ZNF385D: variants seen among roughly 807,000 people sequenced by gnomAD.
ZNF385D encodes the protein zinc finger protein 659.
A neutral mutation model predicts 35.8 loss-of-function variants in ZNF385D; 15 were observed. The observed-to-expected ratio is 0.42, with a 90% CI of 0.28 to 0.64. The LOEUF is 0.64. Among genes scored for constraint, ZNF385D ranks in the 30% least tolerant of loss-of-function variants. The pLI is 0.23. For missense variants in ZNF385D, 474 were observed against 494.6 expected (o/e 0.96, Z 0.39); for synonymous variants, 212 against 186.8 (o/e 1.13, Z -1.10).
At chr3:22,153,552 C>G (rs540963966) in intron 3 of ZNF385D, among the ~76,000 whole-genome samples, 2 of 151,246 alleles carry the variant, frequency 1.3e-5, no homozygotes, top group Admixed American at 1.3e-4. Context: ...CAAACTCCCC[C>G]TCCTGGGTCC....
At chr3:21,494,836 T>A (rs969673285) in intron 4 of ZNF385D, among the ~76,000 whole-genome samples, 3 of 152,250 alleles carry the variant, frequency 2.0e-5, no homozygotes, top group East Asian at 3.9e-4. Flanking sequence ...AAATGAAACA[T>A]TTCATCAAAG....
chr3:21,805,257 G>C (rs2072588954), intron 3 of ZNF385D, among the ~76,000 whole-genome samples: 1 of 152,190 alleles, frequency 6.6e-6, no homozygotes, highest in Non-Finnish European at 1.5e-5. Flanking sequence ...AATTAGGGTA[G>C]TGAGAGAGAA....
At chr3:21,924,259 AGAG>A (rs1209357330) in intron 3 of ZNF385D, among the ~76,000 whole-genome samples, 1 of 152,228 alleles carries the variant, frequency 6.6e-6, no homozygotes, top group Non-Finnish European at 1.5e-5. Flanking sequence ...TTAAAGGTGA[AGAG>A]AAGAAGGCAA....
chr3:22,192,334 G>C (rs377176581), intron 2 of ZNF385D, among the ~76,000 whole-genome samples: 1 of 152,130 alleles, frequency 6.6e-6, no homozygotes, highest in Non-Finnish European at 1.5e-5. Flanking sequence ...CTGAGAAAAT[G>C]AAGCTGTTCT....
chr3:21,445,811 T>C (rs1304406712), intron 4 of ZNF385D, among the ~76,000 whole-genome samples: 2 of 152,196 alleles, frequency 1.3e-5, no homozygotes, highest in East Asian at 1.9e-4. Context: ...GACTGAAAAT[T>C]GGCATAGCAA....
intron 3 of ZNF385D, among the ~76,000 whole-genome samples, chr3:21,980,835 A>G (rs941785135): frequency 6.6e-6 from 1 of 152,178 alleles, no homozygotes; most frequent in South Asian, 2.1e-4. Flanking sequence ...TCTGTTCTTG[A>G]GTTAGTTTGC....
chr3:21,711,944 G>A (rs1274999586), intron 1 of ZNF385D, among the ~76,000 whole-genome samples: 2 of 152,180 alleles, frequency 1.3e-5, no homozygotes, highest in East Asian at 1.9e-4. Flanking sequence ...ACACAATTAT[G>A]TAAATGTCAC....
At chr3:21,880,762 CAGTT>C (rs1698235944) in intron 3 of ZNF385D, among the ~76,000 whole-genome samples, 2 of 151,928 alleles carry the variant, frequency 1.3e-5, no homozygotes, top group East Asian at 3.9e-4. Flanking sequence ...TCCTGCCAAA[CAGTT>C]AGCAATGTTG....
chr3:21,981,052 G>A (rs1017909329), intron 3 of ZNF385D, among the ~76,000 whole-genome samples: 1 of 152,058 alleles, frequency 6.6e-6, no homozygotes, highest in Non-Finnish European at 1.5e-5. Context: ...CTTTATGGTA[G>A]AATAATTTCT....
chr3:21,466,521 A>G (rs986861734), intron 4 of ZNF385D, among the ~76,000 whole-genome samples: 3 of 152,118 alleles, frequency 2.0e-5, no homozygotes, highest in African/African-American at 7.2e-5. Context: ...CCTGCATACT[A>G]TTACTAAAGC....
rs190641945 is a variant in ZNF385D at position 22,007,146 on chromosome 3, C to G, written c.325+161671G>C. 2.5e-4 allele frequency among the ~76,000 whole-genome samples: 38 copies of G among 152,268 alleles called. No individual in the cohort carries two copies. The East Asian group carries it at 6.7e-3, about 27-fold the overall frequency. ...ATTCTCAGAGAAGTTTCAATCTCAT[C>G]CATACACCTTCTACTCCATTTTCAT... On this transcript the variant is annotated intron_variant, in intron 3 of 5. Coordinates refer to the ZNF385D transcript ENST00000494108.
chr3:21,880,913 C>T (rs1698244636), intron 3 of ZNF385D, among the ~76,000 whole-genome samples: 1 of 151,862 alleles, frequency 6.6e-6, no homozygotes, highest in African/African-American at 2.4e-5. Context: ...AAACAAGCCA[C>T]ACCATTTCCT....
At chr3:22,328,695 G>A (rs1694787451) in intron 2 of ZNF385D, among the ~76,000 whole-genome samples, 1 of 151,868 alleles carries the variant, frequency 6.6e-6, no homozygotes, top group South Asian at 2.1e-4. Flanking sequence ...CCTGGGAGGT[G>A]GAGGTTGCAG....
At chr3:22,044,172 T>G (rs1314724097) in intron 3 of ZNF385D, among the ~76,000 whole-genome samples, 2 of 151,600 alleles carry the variant, frequency 1.3e-5, no homozygotes, top group South Asian at 2.1e-4. Flanking sequence ...GCATGGATAG[T>G]CACAAAAGTA....
At chr3:22,198,701 G>A (rs762701735) in intron 2 of ZNF385D, among the ~76,000 whole-genome samples, 2 of 151,914 alleles carry the variant, frequency 1.3e-5, no homozygotes, top group Non-Finnish European at 2.9e-5. Context: ...ATAAAAATGT[G>A]TACATGGCAG....
chr3:21,529,867 T>C (rs576382470), intron 3 of ZNF385D, among the ~76,000 whole-genome samples: 19 of 152,156 alleles, frequency 1.2e-4, no homozygotes, highest in Admixed American at 2.6e-4. Context: ...GTTTCTTCAT[T>C]TGAAAAATTA....
chr3:21,799,904 G>A (rs984116673), intron 3 of ZNF385D, among the ~76,000 whole-genome samples: 1 of 152,030 alleles, frequency 6.6e-6, no homozygotes, highest in African/African-American at 2.4e-5. Context: ...AGAGGCCTTT[G>A]ATCCATTTTG....
chr3:21,971,262 C>A (rs1358611272), intron 3 of ZNF385D, among the ~76,000 whole-genome samples: 6 of 151,904 alleles, frequency 3.9e-5, no homozygotes, highest in Non-Finnish European at 8.8e-5. Context: ...ATAACTACAA[C>A]AACTTAAGAC....
At chr3:22,162,677 G>A (rs996659681) in intron 3 of ZNF385D, among the ~76,000 whole-genome samples, 1 of 152,096 alleles carries the variant, frequency 6.6e-6, no homozygotes, top group African/African-American at 2.4e-5. Flanking sequence ...TCAGGATAAG[G>A]TATAAACTTC....
Sources: allele counts gnomAD v4.1 joint callset (sites outside exome capture counted in the v4.1 genomes callset), GRCh38; gene constraint gnomAD v4.1.1; transcripts MANE v1.5; gene names NCBI Gene and HGNC (gene_info 2026-07-23, HGNC 2026-07-21).